DDX25: variants seen among roughly 807,000 people sequenced by gnomAD.
DDX25 encodes the protein DEAD-box helicase 25, also known as ATP-dependent RNA helicase DDX25.
In DDX25, 70 loss-of-function variants were observed where a neutral mutation model predicts 64.6. The observed-to-expected ratio is 1.08, with a 90% CI of 0.89 to 1.32. The LOEUF is 1.32. DDX25 is among the 40% of genes most tolerant of loss of function. The pLI is 0.00. For synonymous variants in DDX25, 211 were observed against 213.3 expected (o/e 0.99, Z 0.09); for missense variants, 587 against 604.4 (o/e 0.97, Z 0.30).
In DDX25 at chr11:125,925,245, T is replaced by A; in HGVS notation, c.*2364T>A. ...AATCTCTGGTAAGATCTCCGCCAGT[T>A]ACCCTCACAAATGTCCTCAGTAATT... On this transcript the variant is annotated 3_prime_UTR_variant, in exon 12 of 12. Transcript: ENST00000263576. The A allele has an allele frequency of 2.8e-6, 1 of 358,562 alleles. No homozygotes were observed. Among genetic ancestry groups the A allele is most frequent in the Non-Finnish European group, 5.6e-6 (1 of 177,900 alleles). 22.2% of individuals were successfully genotyped at this position (358,562 alleles called of 1,614,324 possible).
Position 125,917,119 on chromosome 11 carries a change from AC to A in DDX25, c.907del (p.Arg303AlafsTer7). On this transcript the variant is annotated frameshift_variant, in exon 9 of 12. Transcript: ENST00000263576. LOFTEE classifies it high-confidence loss of function. ...IIPDPNVIKL[R>X]KEELTLNNIR... is the part of the protein sequence containing the mutation. The stretch of plus-strand genomic sequence containing the variant: ...TCCCTGACCCTAATGTTATCAAGTT[AC>A]GCAAAGAGGAGCTCACACTGAACAA... 1.2e-6 allele frequency: 2 copies of A among 1,610,604 alleles called. No individual in the cohort carries two copies. The highest frequency in any genetic ancestry group is 1.7e-6 in the Non-Finnish European group (2 of 1,178,660).
chr11:125,905,414 G>GT lies in DDX25; in HGVS notation c.131-136dup, dbSNP rs1944869839. On this transcript the variant is annotated intron_variant, in intron 2 of 11. Coordinates refer to ENST00000263576, the MANE Select transcript of DDX25 (RefSeq NM_013264.5). Reference sequence around the variant, plus strand: ...AGCACTCTCCATTACCTTCCCAATCGTTTCGTCCATTCCTCCATGAAATGA... The same window carrying GT: ...AGCACTCTCCATTACCTTCCCAATCGTTTTCGTCCATTCCTCCATGAAATGA... 4.1e-5 allele frequency: 55 copies of GT among 1,336,546 alleles called. No homozygotes were observed. The South Asian group carries it at 7.3e-4, about 18-fold the overall frequency. 82.8% of individuals were successfully genotyped at this position (1,336,546 alleles called of 1,614,324 possible).
At chr11:125,903,329 G>T, upstream of DDX25, 1 of 706,246 alleles carries the variant, frequency 1.4e-6, no homozygotes, top group Non-Finnish European at 1.7e-6. Context: ...AGGTTTTCTA[G>T]TCCAGCTACC....
chr11:125,906,683 G>C (rs961095460), intron 4 of DDX25, among the ~76,000 whole-genome samples: 6 of 151,650 alleles, frequency 4.0e-5, no homozygotes, highest in Admixed American at 3.3e-4. Flanking sequence ...AAAAGTAGCC[G>C]GGCATGGTGG....
At chr11:125,919,126 T>C (rs1013198535) in intron 10 of DDX25, among the ~76,000 whole-genome samples, 3 of 152,212 alleles carry the variant, frequency 2.0e-5, no homozygotes, top group African/African-American at 7.2e-5. Context: ...TATTGTTCCA[T>C]GCACCAGCAG....
rs1945076713 is a variant in DDX25, at chr11:125,918,923, C to A, written c.1201+133C>A. The A allele has an allele frequency of 8.1e-6, 9 of 1,108,176 alleles. No homozygotes were observed. The East Asian group carries it at 2.4e-4, about 30-fold the overall frequency. 68.6% of individuals were successfully genotyped at this position (1,108,176 alleles called of 1,614,324 possible). On this transcript the variant is annotated intron_variant, in intron 10 of 11. Coordinates refer to ENST00000263576, the MANE Select transcript of DDX25 (RefSeq NM_013264.5). ...TCACTGTCATCAAAATACAGAGCATCTCCATCTCCCCAGTTTCCTCACACT... is the reference window on the plus strand; with the variant it reads ...TCACTGTCATCAAAATACAGAGCATATCCATCTCCCCAGTTTCCTCACACT...
rs1944883562 is a variant in DDX25, at chr11:125,906,189, G to C, written c.291G>C (p.Lys97Asn). 1 of 1,539,390 alleles carries C rather than the reference G, an allele frequency of 6.5e-7. No homozygotes were observed. The highest frequency in any genetic ancestry group is 8.7e-7 in the Non-Finnish European group (1 of 1,143,860). Residue 97 changes from lysine to asparagine, a missense_variant, in exon 4 of 12, where the codon AAG (lysine) becomes AAC (asparagine). Coordinates refer to ENST00000263576, the MANE Select transcript of DDX25 (RefSeq NM_013264.5). Reference sequence around the variant, plus strand: ...CCAGCTCTCCACTTTACTCAGTAAAGACATTTGAAGAGCTGCGGCTGTGAG... The same window carrying C: ...CCAGCTCTCCACTTTACTCAGTAAACACATTTGAAGAGCTGCGGCTGTGAG... ...KDPSSPLYSV[K>N]TFEELRLKEE...
In DDX25 at chr11:125,906,133, A is replaced by G. The variant is rs1431400049; in HGVS notation, c.235A>G (p.Ser79Gly). ...KLIHQSLVES[S>G]HRVEVLQKDP... ...AATCCATCAATCCTTAGTAGAATCC[A>G]GTCACCGTGTGGAAGTTTTACAGAA... Residue 79 changes from serine to glycine, a missense_variant, in exon 4 of 12, where the codon AGT (serine) becomes GGT (glycine). Transcript: ENST00000263576. 3 of 1,551,304 alleles carry G rather than the reference A, an allele frequency of 1.9e-6. No homozygotes were observed. Among genetic ancestry groups the G allele is most frequent in the Non-Finnish European group, 2.6e-6 (3 of 1,146,912 alleles).
At position 125,925,493 on chromosome 11, in the gene DDX25, CTT is replaced by C. The variant is rs1412793733; in HGVS notation, c.*2613_*2614del. 1 of 456,238 alleles carries C rather than the reference CTT, an allele frequency of 2.2e-6. No individual in the cohort carries two copies. Among genetic ancestry groups the C allele is most frequent in the South Asian group, 1.5e-5 (1 of 64,552 alleles). 28.3% of individuals were successfully genotyped at this position (456,238 alleles called of 1,614,324 possible). On this transcript the variant is annotated 3_prime_UTR_variant, in exon 12 of 12. Coordinates refer to ENST00000263576, the MANE Select transcript of DDX25 (RefSeq NM_013264.5). ...TCAGAGCTGTAAGCAATTTTCCCGT[CTT>C]CCTGCATGGCCTGGCCAAGGTCATC...
chr11:125,911,177 C>A (rs1944962315), intron 7 of DDX25, 134 bp from the exon 8 acceptor site: 2 of 815,006 alleles, frequency 2.5e-6, no homozygotes, highest in Non-Finnish European at 3.4e-6. Flanking sequence ...ACCACAATGA[C>A]CCTCGGGGTT....
At chr11:125,918,854 T>C in intron 10 of DDX25, 64 bp downstream of exon 10, 1 of 1,483,566 alleles carries the variant, frequency 6.7e-7, no homozygotes, top group South Asian at 1.3e-5. Flanking sequence ...TCCTTTTAAG[T>C]GTACAGTTTC....
In DDX25 at chr11:125,908,409, A is replaced by T; in HGVS notation, c.413A>T (p.Asn138Ile). The T allele has an allele frequency of 6.2e-7, 1 of 1,613,966 alleles. No homozygotes were observed. Among genetic ancestry groups the T allele is most frequent in the Non-Finnish European group, 8.5e-7 (1 of 1,179,882 alleles). ...LPMMLAHPPQNLIAQSQSGTG... is the reference protein window; with the variant it reads ...LPMMLAHPPQILIAQSQSGTG... The stretch of plus-strand genomic sequence containing the variant: ...TCTTCTCTTTTCTACAGACCCCAGA[A>T]CCTCATAGCACAGAGCCAGTCTGGA... Residue 138 changes from asparagine to isoleucine, a missense_variant, in exon 6 of 12, where the codon AAC (asparagine) becomes ATC (isoleucine). Asn to Ile is a moderately radical substitution (Grantham distance 149). Coordinates refer to ENST00000263576, the MANE Select transcript of DDX25 (RefSeq NM_013264.5).
rs1179831826 is a variant in DDX25 at position 125,922,933 on chromosome 11, A to G, written c.*52A>G. ...ATCCTAGTTTATGTGAGAATGTCTCAGTGGGTTTTGAAGGTAATTTTTTTA... is the reference window on the plus strand; with the variant it reads ...ATCCTAGTTTATGTGAGAATGTCTCGGTGGGTTTTGAAGGTAATTTTTTTA... On this transcript the variant is annotated 3_prime_UTR_variant, in exon 12 of 12. Coordinates refer to ENST00000263576, the MANE Select transcript of DDX25 (RefSeq NM_013264.5). The G allele has an allele frequency of 2.0e-6, 3 of 1,522,658 alleles. No individual in the cohort carries two copies. The East Asian group carries it at 7.0e-5, about 35-fold the overall frequency. 94.3% of individuals were successfully genotyped at this position (1,522,658 alleles called of 1,614,324 possible).
rs578129316 is a variant in DDX25, at chr11:125,908,083, T to C, written c.312-113T>C. ...TGAATGATCTATCTCCAAATACTAG[T>C]TTTAAAGCTCAGCTGCAAAGTGACT... is the stretch of plus-strand genomic sequence containing the variant. On this transcript the variant is annotated intron_variant, in intron 4 of 11. Coordinates refer to ENST00000263576, the MANE Select transcript of DDX25 (RefSeq NM_013264.5). 13 of 828,068 alleles carry C rather than the reference T, an allele frequency of 1.6e-5. No homozygotes were observed. The East Asian group carries it at 2.1e-4, about 14-fold the overall frequency. The allele number at this position is 828,068 out of a possible 1,614,324, so 51.3% of individuals were successfully genotyped here. A position where few individuals can be genotyped will look rare whatever the true frequency, so the allele number is the denominator to read the frequency against.
intron 8 of DDX25, among the ~76,000 whole-genome samples, chr11:125,913,399 C>T (rs189220057): frequency 1.1e-3 from 162 of 152,162 alleles, no homozygotes; most frequent in Non-Finnish European, 1.5e-3. Flanking sequence ...CATTTTTCAG[C>T]CCTTACATGT....
In DDX25 at chr11:125,921,140, C is replaced by A; in HGVS notation, c.1202-51C>A. ...TGGCAGACGTGGTACTTGAATGGCC[C>A]GTGTACTGAGGAAAGCATTGCAGGA... On this transcript the variant is annotated intron_variant, in intron 10 of 11. Transcript: ENST00000263576. This position sits in a 1 kb window ranked among gnomAD's most constrained non-coding sequence, Gnocchi z 4.1. 6.5e-7 allele frequency: 1 copy of A among 1,536,088 alleles called. No homozygotes were observed.
chr11:125,908,105 G>A lies in DDX25; in HGVS notation c.312-91G>A. ...TAGTTTTAAAGCTCAGCTGCAAAGT[G>A]ACTTAATTTAGAAATGCACCTTTCA... On this transcript the variant is annotated intron_variant, in intron 4 of 11. Coordinates refer to ENST00000263576, the MANE Select transcript of DDX25 (RefSeq NM_013264.5). 2.9e-6 allele frequency: 3 copies of A among 1,039,788 alleles called. No homozygotes were observed. The South Asian group carries it at 4.9e-5, about 17-fold the overall frequency. 64.4% of individuals were successfully genotyped at this position (1,039,788 alleles called of 1,614,324 possible).
Position 125,908,055 on chromosome 11 carries a change from G to T in DDX25, c.312-141G>T, listed in dbSNP as rs76286501. 8.9e-3 allele frequency: 5,888 copies of T among 658,320 alleles called. 193 individuals carry two copies. The highest frequency in any genetic ancestry group is 0.084 in the African/African-American group (4,622 of 54,924). 40.8% of individuals were successfully genotyped at this position (658,320 alleles called of 1,614,324 possible). On this transcript the variant is annotated intron_variant, in intron 4 of 11. Transcript: ENST00000263576. ...TGATTGTTTATGTTTGGAAGTTGAG[G>T]TATGAATGATCTATCTCCAAATACT... is the stretch of plus-strand genomic sequence containing the variant.
In DDX25 at chr11:125,927,934, G is replaced by A. The variant is rs1375739691; in HGVS notation, c.*5053G>A. On this transcript the variant is annotated 3_prime_UTR_variant, in exon 12 of 12. Coordinates refer to ENST00000263576, the MANE Select transcript of DDX25 (RefSeq NM_013264.5). Reference sequence around the variant, plus strand: ...TGACCCTACACACAATAGCTACACAGGTGGAGCAACATGAGTCTGAGAAGC... The same window carrying A: ...TGACCCTACACACAATAGCTACACAAGTGGAGCAACATGAGTCTGAGAAGC... The A allele has an allele frequency of 2.6e-5, 4 of 152,154 alleles. No individual in the cohort carries two copies. Among genetic ancestry groups the A allele is most frequent in the Non-Finnish European group, 4.4e-5 (3 of 68,032 alleles). The allele number at this position is 152,154 out of a possible 1,614,324, so 9.4% of individuals were successfully genotyped here. A position where few individuals can be genotyped will look rare whatever the true frequency, so the allele number is the denominator to read the frequency against.
Sources: allele counts gnomAD v4.1 joint callset (sites outside exome capture counted in the v4.1 genomes callset), GRCh38; gene constraint gnomAD v4.1.1; non-coding constraint Gnocchi (gnomAD v3.1); transcripts MANE v1.5; gene names NCBI Gene and HGNC (gene_info 2026-07-23, HGNC 2026-07-21).